The following TXNRD1 variants were observed in gnomAD, a reference collection of about 807,000 sequenced individuals.
TXNRD1 encodes thioredoxin reductase 1.
A neutral mutation model predicts 80.3 loss-of-function variants in TXNRD1; 57 were observed. The ratio of observed to expected loss-of-function variants is 0.71; its 90% CI spans 0.57 to 0.89. The LOEUF (loss-of-function observed/expected upper bound fraction) is 0.89. Among genes scored for constraint, TXNRD1 ranks in the 40% least tolerant of loss-of-function variants. The probability of loss-of-function intolerance (pLI) is 0.00; values close to 1 mark genes in which losing one functional copy is unlikely to be tolerated. For missense variants in TXNRD1, 730 were observed against 803.0 expected (o/e 0.91, Z 1.10); for synonymous variants, 291 against 285.2 (o/e 1.02, Z -0.20).
chr12:104,322,473 C>T (rs1033733138), intron 10 of TXNRD1, among the ~76,000 whole-genome samples: 5 of 145,858 alleles, frequency 3.4e-5, no homozygotes, highest in Non-Finnish European at 5.9e-5. Context: ...CTCTGCCTCC[C>T]AAGTTCAAGC....
At chr12:104,267,809 T>C (rs1267080288) in intron 3 of TXNRD1, among the ~76,000 whole-genome samples, 1 of 144,332 alleles carries the variant, frequency 6.9e-6, no homozygotes, top group African/African-American at 2.6e-5. Context: ...TTTCCTTCCT[T>C]CCTTCCTTCC....
In TXNRD1 at chr12:104,321,128, A is replaced by G. The variant is rs1184000134; in HGVS notation, c.1027A>G (p.Thr343Ala). Residue 343 changes from threonine (T) to alanine (A), a missense_variant, in exon 10 of 17, where the codon ACC (threonine) becomes GCC (alanine). Thr to Ala is a moderately conservative substitution (Grantham distance 58). Coordinates refer to ENST00000525566, the MANE Select transcript of TXNRD1 (RefSeq NM_001093771.3). The part of the protein sequence containing the change: ...LFSLPYCPGK[T>A]LVVGASYVAL... ...CTCCTTGCCTTACTGCCCGGGTAAG[A>G]CCCTGGTTGTTGGAGCATCCTATGT... The G allele has an allele frequency of 1.2e-6, 2 of 1,609,234 alleles. No individual in the cohort carries two copies. The highest frequency in any genetic ancestry group is 2.2e-5 in the South Asian group (2 of 90,940).
intron 6 of TXNRD1, among the ~76,000 whole-genome samples, 160 bp from the exon 7 acceptor site, chr12:104,315,614 ACTT>A (rs2035298151): frequency 6.6e-6 from 1 of 152,204 alleles, no homozygotes; most frequent in South Asian, 2.1e-4. Flanking sequence ...GGGTCTCTGA[ACTT>A]ATGGATGTTG....
chr12:104,319,692 T>C, intron 9 of TXNRD1, 107 bp downstream of exon 9: 1 of 821,028 alleles, frequency 1.2e-6, no homozygotes, highest in South Asian at 1.6e-5. Flanking sequence ...ACAGATTTCT[T>C]TGCCACATTG....
At chr12:104,239,276 C>T (rs1367901492) in intron 1 of TXNRD1, among the ~76,000 whole-genome samples, 1 of 151,582 alleles carries the variant, frequency 6.6e-6, no homozygotes, top group Admixed American at 6.6e-5. Context: ...TCACTGCAAC[C>T]TCTGCCTCCT....
intron 1 of TXNRD1, 21 bp downstream of exon 1, chr12:104,215,914 C>A (rs1205268281): frequency 6.5e-7 from 1 of 1,542,638 alleles, no homozygotes; most frequent in South Asian, 1.2e-5. Flanking sequence ...GGGCGAAGGC[C>A]TGGTCCCCAG....
intron 3 of TXNRD1, among the ~76,000 whole-genome samples, chr12:104,261,125 C>G (rs12321623): frequency 6.6e-6 from 1 of 150,894 alleles, no homozygotes; most frequent in Non-Finnish European, 1.5e-5. Flanking sequence ...ACTTTTGTCC[C>G]GGTGGTTCCC....
In TXNRD1 at chr12:104,327,392, C is replaced by T. The variant is rs529952891; in HGVS notation, c.1386-123C>T. On this transcript the variant is annotated intron_variant, in intron 12 of 16. Transcript: ENST00000525566. ...TTGAGCTGTTTTGTTTTATTTTTAACACATTAGAACATTGCCCTCAGCTAG... is the reference window on the plus strand; with the variant it reads ...TTGAGCTGTTTTGTTTTATTTTTAATACATTAGAACATTGCCCTCAGCTAG... The T allele has an allele frequency of 9.3e-6, 8 of 857,824 alleles. No homozygotes were observed. The African/African-American group carries it at 1.4e-4, about 15-fold the overall frequency. The allele number at this position is 857,824 out of a possible 1,614,324, so 53.1% of individuals were successfully genotyped here.
intron 3 of TXNRD1, chr12:104,265,641 A>G: frequency 6.2e-7 from 1 of 1,607,380 alleles, no homozygotes; most frequent in South Asian, 1.1e-5. Flanking sequence ...AGTGCTACCG[A>G]GACATGGGTG....
At chr12:104,309,524 C>A (rs917966738) in intron 4 of TXNRD1, among the ~76,000 whole-genome samples, 1 of 152,116 alleles carries the variant, frequency 6.6e-6, no homozygotes, top group African/African-American at 2.4e-5. Context: ...TTTAGACAGC[C>A]AGTTATTGTG....
intron 3 of TXNRD1, among the ~76,000 whole-genome samples, chr12:104,275,170 C>T (rs551687734): frequency 1.6e-4 from 24 of 150,554 alleles, no homozygotes; most frequent in African/African-American, 5.4e-4. Flanking sequence ...CCCAGCTACT[C>T]GGGTGGCTGA....
chr12:104,226,395 C>T (rs778496298), intron 1 of TXNRD1, among the ~76,000 whole-genome samples: 1 of 152,112 alleles, frequency 6.6e-6, no homozygotes, highest in Non-Finnish European at 1.5e-5. Flanking sequence ...ACTTCATTTC[C>T]ATAAGTTCAG....
At chr12:104,342,665 TA>T (rs1297743607) in intron 16 of TXNRD1, among the ~76,000 whole-genome samples, 2 of 152,314 alleles carry the variant, frequency 1.3e-5, no homozygotes, top group African/African-American at 4.8e-5. Context: ...ATTTATTTTT[TA>T]TTTTTTTGTA....
intron 4 of TXNRD1, among the ~76,000 whole-genome samples, chr12:104,300,353 C>T (rs1382107990): frequency 6.6e-6 from 1 of 152,204 alleles, no homozygotes; most frequent in Non-Finnish European, 1.5e-5. Flanking sequence ...TAAATTATCT[C>T]TGAGGCAACT....
chr12:104,299,003 C>G (rs2034523856), intron 4 of TXNRD1, among the ~76,000 whole-genome samples: 1 of 152,182 alleles, frequency 6.6e-6, no homozygotes, highest in Non-Finnish European at 1.5e-5. Flanking sequence ...CATACATACT[C>G]AAGTCCCAAA....
At chr12:104,220,719 C>T (rs1405203003) in intron 1 of TXNRD1, among the ~76,000 whole-genome samples, 33 of 110,342 alleles carry the variant, frequency 3.0e-4, no homozygotes, top group African/African-American at 1.2e-3. Flanking sequence ...GAACGAAACT[C>T]CGTCTCCAAA....
At chr12:104,332,923 ATG>A (rs1312773033) in intron 14 of TXNRD1, among the ~76,000 whole-genome samples, 3 of 149,168 alleles carry the variant, frequency 2.0e-5, no homozygotes, top group African/African-American at 7.6e-5. Flanking sequence ...TTTATATTTT[ATG>A]TATATATATA....
chr12:104,281,399 C>CATT (rs1272324757), intron 3 of TXNRD1, among the ~76,000 whole-genome samples: 1 of 73,638 alleles, frequency 1.4e-5, no homozygotes, highest in African/African-American at 6.4e-5. Context: ...CATATCTCCA[C>CATT]TTTTTTTTTT....
intron 4 of TXNRD1, among the ~76,000 whole-genome samples, chr12:104,303,324 G>T (rs7488680): frequency 0.49 from 73,899 of 152,024 alleles, 18,462 homozygotes; most frequent in East Asian, 0.62. Context: ...AGTTTAGCCT[G>T]CTTAATGGAG....
Sources: gnomAD v4.1 joint callset for allele counts (sites outside exome capture counted in the v4.1 genomes callset) on GRCh38, gnomAD v4.1.1 for gene constraint, MANE v1.5 for transcripts, NCBI Gene and HGNC (gene_info 2026-07-23, HGNC 2026-07-21) for gene names.